Variants in BCAR3 observed in about 807,000 individuals in gnomAD.
BCAR3 encodes breast cancer anti-estrogen resistance protein 3.
A neutral mutation model predicts 80.1 loss-of-function variants in BCAR3; 37 were observed. That is an observed-to-expected ratio of 0.46 (90% CI 0.36 to 0.61). BCAR3 has a LOEUF of 0.61. BCAR3 is among the 20% of genes least tolerant of loss of function. The pLI is 0.00. For synonymous variants in BCAR3, 389 were observed against 418.9 expected (o/e 0.93, Z 0.87); for missense variants, 978 against 1,068.2 (o/e 0.92, Z 1.18).
At chr1:93,804,039 A>G (rs1000061558) in intron 2 of BCAR3, among the ~76,000 whole-genome samples, 1 of 152,226 alleles carries the variant, frequency 6.6e-6, no homozygotes, top group African/African-American at 2.4e-5. Context: ...GGCTGGACAT[A>G]GCAGCTTATG....
chr1:93,620,024 T>G (rs532749687), intron 3 of BCAR3, among the ~76,000 whole-genome samples: 1 of 152,312 alleles, frequency 6.6e-6, no homozygotes, highest in African/African-American at 2.4e-5. Flanking sequence ...CAACACATAG[T>G]AGGCACTCTA....
intron 2 of BCAR3, among the ~76,000 whole-genome samples, chr1:93,790,634 A>ATTTTTTTTTTTTTTTTATTT (rs67196746): frequency 1.9e-5 from 2 of 107,426 alleles, no homozygotes; most frequent in African/African-American, 4.1e-5. Context: ...TTTTGTATTC[A>ATTTTTTTTTTTTTTTTATTT]TTTTTTTTTT....
At position 93,787,798 on chromosome 1, in the gene BCAR3, T is replaced by C. The variant is rs550366615; in HGVS notation, c.-63+57769A>G. ...GAATATATATTCTTCAGTTGTTGGG[T>C]AGAATGTTCTGTAAATATCTGTTAA... On this transcript the variant is annotated intron_variant, in intron 2 of 13. Coordinates refer to the BCAR3 transcript ENST00000370244. Among the ~76,000 whole-genome samples, 3 of 152,312 alleles carry C rather than the reference T, an allele frequency of 2.0e-5. No homozygotes were observed. The South Asian group carries it at 6.2e-4, about 32-fold the overall frequency.
At chr1:93,589,538 G>C in intron 4 of BCAR3, 119 bp from the exon 5 acceptor site, 1 of 868,186 alleles carries the variant, frequency 1.2e-6, no homozygotes, top group Non-Finnish European at 1.7e-6. Flanking sequence ...CTCTTCTTGG[G>C]TCAGCTCTTT....
intron 2 of BCAR3, among the ~76,000 whole-genome samples, chr1:93,829,683 T>C (rs935578814): frequency 3.9e-5 from 6 of 152,210 alleles, no homozygotes; most frequent in Non-Finnish European, 7.3e-5. Context: ...TGCCATGCTT[T>C]TCCCTTGTTA....
intron 3 of BCAR3, among the ~76,000 whole-genome samples, chr1:93,610,105 C>T (rs778309586): frequency 2.6e-5 from 4 of 152,214 alleles, no homozygotes; most frequent in East Asian, 1.9e-4. Context: ...TCCCCAGCAC[C>T]GACACATCCG....
chr1:93,768,641 T>C (rs1652243509), intron 2 of BCAR3, among the ~76,000 whole-genome samples: 1 of 152,128 alleles, frequency 6.6e-6, no homozygotes, highest in African/African-American at 2.4e-5. Context: ...GGAAAAAAGT[T>C]TAATTAAAAA....
chr1:93,674,584 C>A (rs1051990130), intron 2 of BCAR3, 30 bp downstream of exon 2: 2 of 1,606,064 alleles, frequency 1.2e-6, no homozygotes, highest in South Asian at 1.1e-5. Flanking sequence ...TAAGACAAAT[C>A]ATCTTCACTA....
At chr1:93,576,176 G>A in intron 7 of BCAR3, 47 bp from the exon 8 acceptor site, 1 of 1,424,880 alleles carries the variant, frequency 7.0e-7, no homozygotes, top group Non-Finnish European at 9.9e-7. Context: ...AAGTGGGCTT[G>A]CCTGATCATG....
intron 3 of BCAR3, chr1:93,594,266 T>C (rs986174525): frequency 1.3e-5 from 2 of 152,248 alleles, no homozygotes; most frequent in African/African-American, 2.4e-5. Context: ...CTTTGCTTAG[T>C]TATGGAGATT....
At chr1:93,590,925 A>C (rs1464981944) in intron 4 of BCAR3, among the ~76,000 whole-genome samples, 1 of 152,168 alleles carries the variant, frequency 6.6e-6, no homozygotes, top group East Asian at 1.9e-4. Context: ...AAGTGAGTAG[A>C]ATGGGCTACC....
At chr1:93,637,435 A>G (rs750627731) in intron 3 of BCAR3, among the ~76,000 whole-genome samples, 21 of 152,124 alleles carry the variant, frequency 1.4e-4, no homozygotes, top group Non-Finnish European at 2.9e-4. Flanking sequence ...GATTACAGAC[A>G]TGAGCCATCG....
intron 2 of BCAR3, among the ~76,000 whole-genome samples, chr1:93,650,666 T>C (rs1214724786): frequency 6.6e-6 from 1 of 152,200 alleles, no homozygotes; most frequent in African/African-American, 2.4e-5. Context: ...CATTAGTAAG[T>C]AATATGTGGG....
At chr1:93,563,378 A>C (rs1030290757) in intron 11 of BCAR3, among the ~76,000 whole-genome samples, 3 of 152,168 alleles carry the variant, frequency 2.0e-5, no homozygotes, top group Non-Finnish European at 4.4e-5. Flanking sequence ...TTGCATGCTA[A>C]TCATTCTTAC....
intron 2 of BCAR3, among the ~76,000 whole-genome samples, chr1:93,842,155 T>TTC (rs1295407812): frequency 6.6e-6 from 1 of 151,192 alleles, no homozygotes; most frequent in Non-Finnish European, 1.5e-5. Flanking sequence ...ATCCTTTTTT[T>TTC]TTTTTTTTCC....
chr1:93,842,396 C>T (rs1654993135), intron 2 of BCAR3, among the ~76,000 whole-genome samples: 1 of 152,152 alleles, frequency 6.6e-6, no homozygotes, highest in Admixed American at 6.5e-5. Context: ...AGGCAATCCA[C>T]CCGCCTCAGC....
intron 2 of BCAR3, among the ~76,000 whole-genome samples, chr1:93,754,824 GTTATT>G (rs1177028664): frequency 6.6e-6 from 1 of 152,172 alleles, no homozygotes; most frequent in African/African-American, 2.4e-5. Flanking sequence ...ATAATTTTAT[GTTATT>G]TTAGAGTGTA....
chr1:93,778,106 G>T (rs1652638298), intron 2 of BCAR3, among the ~76,000 whole-genome samples: 1 of 152,116 alleles, frequency 6.6e-6, no homozygotes, highest in Non-Finnish European at 1.5e-5. Context: ...GTATATCATG[G>T]TGTTTAAGCT....
chr1:93,659,158 G>A (rs1335749928), intron 2 of BCAR3, among the ~76,000 whole-genome samples: 1 of 152,152 alleles, frequency 6.6e-6, no homozygotes, highest in African/African-American at 2.4e-5. Context: ...GGAATGAAGG[G>A]ATAGGGGAAA....
Sources: gnomAD v4.1 joint callset for allele counts (sites outside exome capture counted in the v4.1 genomes callset) on GRCh38, gnomAD v4.1.1 for gene constraint, MANE v1.5 for transcripts, NCBI Gene and HGNC (gene_info 2026-07-23, HGNC 2026-07-21) for gene names.